Variants in PAK5 observed in about 807,000 individuals in gnomAD.
PAK5 encodes the protein serine/threonine-protein kinase PAK 5.
A neutral mutation model predicts 65.9 loss-of-function variants in PAK5; 16 were observed. That is an observed-to-expected ratio of 0.24 (90% CI 0.16 to 0.37). The LOEUF (loss-of-function observed/expected upper bound fraction) is 0.37. PAK5 is among the 10% of genes least tolerant of loss of function. The pLI is 1.00. For synonymous variants in PAK5, 371 were observed against 354.9 expected (o/e 1.05, Z -0.51); for missense variants, 785 against 903.9 (o/e 0.87, Z 1.69).
chr20:9,566,125 C>T lies in PAK5; in HGVS notation c.1250G>A (p.Gly417Asp), dbSNP rs2045673309. 6.2e-7 allele frequency: 1 copy of T among 1,613,722 alleles called. No individual in the cohort carries two copies. Among genetic ancestry groups the T allele is most frequent in the Non-Finnish European group, 8.5e-7 (1 of 1,179,876 alleles). The change falls in exon 5 of 10, where the codon GGC (glycine) becomes GAC (aspartate). Residue 417 changes from glycine (G) to aspartate (D), a missense_variant. Around this residue, in one of 4 missense-constraint regions of PAK5, gnomAD observed 422 missense variants for 413.3 expected, o/e 1.02. Coordinates refer to ENST00000353224, the MANE Select transcript of PAK5 (RefSeq NM_177990.4). Reference sequence around the variant, plus strand: ...GGAGGGCTGCTGGTCGGAGGAGGAGCCCCAGCTGGGCGGCGGGTAGGTGCT... The same window carrying T: ...GGAGGGCTGCTGGTCGGAGGAGGAGTCCCAGCTGGGCGGCGGGTAGGTGCT... ...SSSTYPPPSW[G>D]SSSDQQPSRV...
chr20:9,611,114 C>G (rs965373669), intron 3 of PAK5, among the ~76,000 whole-genome samples: 2 of 152,212 alleles, frequency 1.3e-5, no homozygotes, highest in African/African-American at 4.8e-5. Context: ...GTTACAGCAG[C>G]AGGAAAGGAC....
intron 3 of PAK5, among the ~76,000 whole-genome samples, chr20:9,619,906 A>C (rs768936339): frequency 2.4e-4 from 36 of 152,352 alleles, no homozygotes; most frequent in Non-Finnish European, 3.4e-4. Context: ...TCAGCCAATC[A>C]TTAGTGCTCT....
chr20:9,556,109 T>C (rs948730389), intron 7 of PAK5, among the ~76,000 whole-genome samples: 1 of 152,232 alleles, frequency 6.6e-6, no homozygotes, highest in African/African-American at 2.4e-5. Flanking sequence ...TTTAAGCCAC[T>C]AACTGTTGAG....
intron 2 of PAK5, among the ~76,000 whole-genome samples, chr20:9,645,826 T>C (rs970633737): frequency 2.0e-5 from 3 of 152,164 alleles, no homozygotes; most frequent in African/African-American, 7.2e-5. Flanking sequence ...GACCTCGTGA[T>C]CCGCCCGCCT....
At chr20:9,782,681 G>A (rs6118730) in intron 1 of PAK5, among the ~76,000 whole-genome samples, 115,296 of 151,944 alleles carry the variant, frequency 0.76, 43,812 homozygotes, top group African/African-American at 0.81. Context: ...CTGGGAACTT[G>A]CTTTGCATCA....
chr20:9,676,238 C>T (rs769649661), intron 2 of PAK5, among the ~76,000 whole-genome samples: 3 of 151,926 alleles, frequency 2.0e-5, no homozygotes, highest in African/African-American at 7.3e-5. Context: ...TACCTCCCAC[C>T]GAGTCCCTCC....
chr20:9,792,364 G>A (rs992146273), intron 1 of PAK5, among the ~76,000 whole-genome samples: 6 of 152,086 alleles, frequency 3.9e-5, no homozygotes, highest in Non-Finnish European at 7.4e-5. Context: ...TCTGGCCCTG[G>A]CCTCTAGATT....
intron 2 of PAK5, among the ~76,000 whole-genome samples, chr20:9,702,101 G>A (rs1214908687): frequency 1.3e-5 from 2 of 152,104 alleles, no homozygotes; most frequent in Admixed American, 6.6e-5. Context: ...AAATGACAGA[G>A]AAATGACACC....
intron 3 of PAK5, among the ~76,000 whole-genome samples, chr20:9,627,837 G>A (rs1423644242): frequency 1.3e-5 from 2 of 152,122 alleles, no homozygotes; most frequent in East Asian, 3.9e-4. Context: ...ATGTTGGCCA[G>A]GCTGGTCTCG....
chr20:9,640,089 G>A (rs1433104628), intron 3 of PAK5, among the ~76,000 whole-genome samples: 1 of 151,930 alleles, frequency 6.6e-6, no homozygotes, highest in Non-Finnish European at 1.5e-5. Flanking sequence ...AAGTTTTAGG[G>A]TACATGTGCA....
At chr20:9,575,065 G>A (rs979579175) in intron 4 of PAK5, among the ~76,000 whole-genome samples, 1 of 152,178 alleles carries the variant, frequency 6.6e-6, no homozygotes, top group Non-Finnish European at 1.5e-5. Flanking sequence ...GGAAGACTGG[G>A]CCCACTGGTT....
chr20:9,703,829 C>G (rs1031733673), intron 2 of PAK5, among the ~76,000 whole-genome samples: 3 of 152,136 alleles, frequency 2.0e-5, no homozygotes, highest in Non-Finnish European at 4.4e-5. Flanking sequence ...CTATTTCCCC[C>G]TGGAGAGGGC....
At chr20:9,781,413 G>A (rs569357143) in intron 1 of PAK5, among the ~76,000 whole-genome samples, 1 of 152,258 alleles carries the variant, frequency 6.6e-6, no homozygotes, top group South Asian at 2.1e-4. Flanking sequence ...GCCTGGTCTG[G>A]AGCCTGGAGA....
At chr20:9,621,342 C>T (rs1270146818) in intron 3 of PAK5, among the ~76,000 whole-genome samples, 8 of 149,550 alleles carry the variant, frequency 5.3e-5, no homozygotes, top group African/African-American at 1.5e-4. Flanking sequence ...TGATAATTTC[C>T]TTGAGCTAAG....
chr20:9,622,525 G>T (rs1600158009), intron 3 of PAK5, among the ~76,000 whole-genome samples: 2 of 152,274 alleles, frequency 1.3e-5, no homozygotes, highest in East Asian at 1.9e-4. Flanking sequence ...TTAATTCAGG[G>T]GTGTCCAACC....
chr20:9,555,851 A>T (rs1051148917), intron 7 of PAK5, among the ~76,000 whole-genome samples: 1 of 152,200 alleles, frequency 6.6e-6, no homozygotes, highest in Admixed American at 6.5e-5. Context: ...TACAGGTATC[A>T]TGTGAGTAAG....
chr20:9,713,788 G>A (rs1358877345), intron 1 of PAK5, among the ~76,000 whole-genome samples: 1 of 151,974 alleles, frequency 6.6e-6, no homozygotes, highest in Admixed American at 6.6e-5. Context: ...CTCACACATG[G>A]GAGCTAAAAA....
chr20:9,787,087 G>A (rs903023713), intron 1 of PAK5, among the ~76,000 whole-genome samples: 4 of 152,178 alleles, frequency 2.6e-5, no homozygotes, highest in African/African-American at 7.2e-5. Context: ...AACAGTGATG[G>A]TTTAGCTTTA....
chr20:9,593,368 C>T (rs970284668), intron 3 of PAK5, among the ~76,000 whole-genome samples: 1 of 152,108 alleles, frequency 6.6e-6, no homozygotes, highest in Non-Finnish European at 1.5e-5. Flanking sequence ...CCAATCCCAC[C>T]AGTGGAGCCT....
Sources: gnomAD v4.1 joint callset for allele counts (sites outside exome capture counted in the v4.1 genomes callset) on GRCh38, gnomAD v4.1.1 for gene constraint, gnomAD v4.1.1 regional missense constraint, MANE v1.5 for transcripts, NCBI Gene and HGNC (gene_info 2026-07-23, HGNC 2026-07-21) for gene names.